GREB1: variants seen among roughly 807,000 people sequenced by gnomAD.
GREB1 encodes growth regulating estrogen receptor binding 1.
In GREB1, 106 loss-of-function variants were observed where a neutral mutation model predicts 200.7. The ratio of observed to expected loss-of-function variants is 0.53; its 90% CI spans 0.45 to 0.62. The LOEUF is 0.62. Ranked by LOEUF, GREB1 falls within the 20% of genes least tolerant of loss-of-function variation. The probability of loss-of-function intolerance (pLI) is 0.00; values close to 1 mark genes in which losing one functional copy is unlikely to be tolerated. For synonymous variants in GREB1, 1,132 were observed against 1,092.4 expected (o/e 1.04, Z -0.72); for missense variants, 2,243 against 2,556.8 (o/e 0.88, Z 2.65).
At chr2:11,607,068 A>G (rs1413550413) in intron 17 of GREB1, among the ~76,000 whole-genome samples, 2 of 150,470 alleles carry the variant, frequency 1.3e-5, no homozygotes, top group Non-Finnish European at 3.0e-5. Context: ...GGCGTGAGCC[A>G]CCATGCCTTG....
At position 11,640,443 on chromosome 2, in the gene GREB1, C is replaced by G. The variant is rs769237746; in HGVS notation, c.5839C>G (p.Arg1947Gly). Residue 1947 changes from arginine to glycine, a missense_variant, in exon 33 of 33, where the codon CGA (arginine) becomes GGA (glycine). By Grantham distance (125) the Arg-to-Gly change is moderately radical. This residue lies in a region of GREB1 where 478 missense variants were observed against 616.3 expected (regional missense o/e 0.78). Transcript: ENST00000381486. This position sits in a 1 kb window ranked among gnomAD's most constrained non-coding sequence, Gnocchi z 4.6. ...CCGGCCGCTCTTTTTTCTGACGGGA[C>G]GACACATCTGAGGAAGACAGCGGCG... Reference protein sequence around the residue: ...EDRPLFFLTGRHI With the variant: ...EDRPLFFLTGGHI The G allele has an allele frequency of 6.2e-7, 1 of 1,614,048 alleles. No individual in the cohort carries two copies. The highest frequency in any genetic ancestry group is 8.5e-7 in the Non-Finnish European group (1 of 1,180,006).
chr2:11,615,786 A>C (rs1413548388), intron 20 of GREB1, among the ~76,000 whole-genome samples: 2 of 152,258 alleles, frequency 1.3e-5, no homozygotes, highest in Admixed American at 1.3e-4. Context: ...AATAGGACAC[A>C]TAAATGATAA....
In GREB1 at chr2:11,548,326, AC is replaced by A. The variant is rs368791953; in HGVS notation, c.-161-8125del. Among the ~76,000 whole-genome samples, 527 of 145,284 alleles carry A rather than the reference AC, an allele frequency of 3.6e-3. 3 individuals carry two copies. Among genetic ancestry groups the A allele is most frequent in the Middle Eastern group, 0.017 (5 of 292 alleles). Reference sequence around the variant, plus strand: ...CCCACATATGCACACACACGCACACACCCAGACACGTGCACACATGCATATA... The same window carrying A: ...CCCACATATGCACACACACGCACACACCAGACACGTGCACACATGCATATA... On this transcript the variant is annotated intron_variant, in intron 1 of 32. Coordinates refer to ENST00000381486, the MANE Select transcript of GREB1 (RefSeq NM_014668.4). This position sits in a 1 kb window ranked among gnomAD's most constrained non-coding sequence, Gnocchi z 5.1.
chr2:11,623,324 G>A (rs933725154), intron 23 of GREB1, among the ~76,000 whole-genome samples: 12 of 152,172 alleles, frequency 7.9e-5, no homozygotes, highest in Non-Finnish European at 1.6e-4. Flanking sequence ...AACTGTTACT[G>A]GTTTTATGTA....
At chr2:11,578,648 A>C (rs572511960) in intron 6 of GREB1, among the ~76,000 whole-genome samples, 2 of 152,284 alleles carry the variant, frequency 1.3e-5, no homozygotes, top group East Asian at 3.9e-4. Flanking sequence ...GTTTGATATG[A>C]AGTGGGATCC....
chr2:11,585,786 C>T lies in GREB1; in HGVS notation c.1040C>T (p.Pro347Leu), dbSNP rs149950879. 165 of 1,613,280 alleles carry T rather than the reference C, an allele frequency of 1.0e-4. No individual in the cohort carries two copies. The highest frequency in any genetic ancestry group is 1.8e-4 in the Middle Eastern group (1 of 5,422). Residue 347 changes from proline to leucine, a missense_variant, in exon 9 of 33, where the codon CCG (proline) becomes CTG (leucine). Around this residue, in one of 3 missense-constraint regions of GREB1, gnomAD observed 1,178 missense variants for 1,387.4 expected, o/e 0.85. Coordinates refer to ENST00000381486, the MANE Select transcript of GREB1 (RefSeq NM_014668.4). ...KYESAGMSCV[P>L]QVGLVGPASV... ...GAGAGCGCAGGCATGTCCTGCGTGC[C>T]GCAGGTTGGCTTGGTGGGACCAGCT...
chr2:11,618,452 A>C lies in GREB1; in HGVS notation c.3577A>C (p.Ser1193Arg). 1 of 1,605,594 alleles carries C rather than the reference A, an allele frequency of 6.2e-7. No individual in the cohort carries two copies. The highest frequency in any genetic ancestry group is 8.5e-7 in the Non-Finnish European group (1 of 1,176,802). The change falls in exon 22 of 33, where the codon AGT becomes CGT. Residue 1193 changes from serine to arginine, a missense_variant. Physicochemically the swap from Ser to Arg is moderately radical, Grantham distance 110. This residue lies in a region of GREB1 where 587 missense variants were observed against 553.1 expected (regional missense o/e 1.06). Coordinates refer to ENST00000381486, the MANE Select transcript of GREB1 (RefSeq NM_014668.4). ...QGPPSAISRHSPGPTPQPDCS... is the reference protein window; with the variant it reads ...QGPPSAISRHRPGPTPQPDCS... ...GCCACCCTCGGCCATCAGCAGGCAC[A>C]GTCCCGGGCCGACGCCCCAGCCCGA...
At chr2:11,498,577 G>C (rs1672948823) in intron 1 of GREB1, among the ~76,000 whole-genome samples, 1 of 152,196 alleles carries the variant, frequency 6.6e-6, no homozygotes, top group Non-Finnish European at 1.5e-5. Flanking sequence ...AGTCAGAACT[G>C]GGGGGCAGTG....
chr2:11,637,858 T>C lies in GREB1; in HGVS notation c.5489T>C (p.Leu1830Pro), dbSNP rs1238121354. 1.2e-6 allele frequency: 2 copies of C among 1,614,116 alleles called. No homozygotes were observed. The highest frequency in any genetic ancestry group is 2.2e-5 in the South Asian group (2 of 91,082). Residue 1830 changes from leucine (L) to proline (P), a missense_variant, in exon 31 of 33, where the codon CTG (leucine) becomes CCG (proline). Coordinates refer to ENST00000381486, the MANE Select transcript of GREB1 (RefSeq NM_014668.4). ...HHSHLFFPLS[L>P]KNHDHPVLSV... ...AGCCACCTCTTCTTCCCGCTGTCCCTGAAGAACCATGACCACCCAGTGCTG... is the reference window on the plus strand; with the variant it reads ...AGCCACCTCTTCTTCCCGCTGTCCCCGAAGAACCATGACCACCCAGTGCTG...
intron 1 of GREB1, among the ~76,000 whole-genome samples, chr2:11,518,911 A>C (rs1234014403): frequency 6.6e-6 from 1 of 151,186 alleles, no homozygotes; most frequent in African/African-American, 2.5e-5. Flanking sequence ...ATCTTGGCTA[A>C]CATACAGTGA....
intron 10 of GREB1, chr2:11,592,039 T>C: frequency 1.0e-6 from 1 of 980,262 alleles, no homozygotes; most frequent in Non-Finnish European, 1.2e-6. Flanking sequence ...ATTCCCAGGC[T>C]GAATGTTCTA....
upstream of GREB1, among the ~76,000 whole-genome samples, chr2:11,531,294 T>C (rs767076969): frequency 1.3e-5 from 2 of 152,182 alleles, no homozygotes; most frequent in Non-Finnish European, 2.9e-5. Context: ...ACTAATTGTA[T>C]AGAGGTTAAG....
At chr2:11,581,881 C>T (rs1217590337) in intron 7 of GREB1, among the ~76,000 whole-genome samples, 1 of 152,204 alleles carries the variant, frequency 6.6e-6, no homozygotes. Context: ...AATTGTCTAA[C>T]TCTTCACTGA....
chr2:11,499,101 G>C (rs1672962165), intron 1 of GREB1, among the ~76,000 whole-genome samples: 1 of 152,210 alleles, frequency 6.6e-6, no homozygotes, highest in African/African-American at 2.4e-5. Context: ...ATTATTAATT[G>C]TGGAAGGCAG....
At chr2:11,560,578 G>T (rs1048861950) in intron 2 of GREB1, among the ~76,000 whole-genome samples, 10 of 152,062 alleles carry the variant, frequency 6.6e-5, no homozygotes, top group African/African-American at 2.2e-4. Flanking sequence ...GTAGGTGCCT[G>T]TAATTCCAGC....
intron 1 of GREB1, among the ~76,000 whole-genome samples, chr2:11,497,028 C>T (rs1672906829): frequency 6.6e-6 from 1 of 152,078 alleles, no homozygotes; most frequent in Admixed American, 6.6e-5. Context: ...AACTCCTGGC[C>T]TCAAGTGATC....
rs192643317 is a variant in GREB1, at chr2:11,625,721, G to A, written c.4306+409G>A. On this transcript the variant is annotated intron_variant, in intron 24 of 32. Transcript: ENST00000381486. The stretch of plus-strand genomic sequence containing the variant: ...ACATCCATGGTGTGCTGGCGCTGCA[G>A]TGTACCGGGGCCATTGCGATTATAA... 5.9e-5 allele frequency among the ~76,000 whole-genome samples: 9 copies of A among 152,320 alleles called. No individual in the cohort carries two copies. In the East Asian group the frequency reaches 1.7e-3, roughly 29 times the overall value.
chr2:11,637,644 G>A, intron 30 of GREB1, 72 bp from the exon 31 acceptor site: 1 of 1,432,868 alleles, frequency 7.0e-7, no homozygotes, highest in Non-Finnish European at 9.7e-7. Flanking sequence ...GGCCACCCTT[G>A]CAGCCCGGAA....
Position 11,635,294 on chromosome 2 carries a change from C to A in GREB1, c.5235C>A (p.Phe1745Leu), listed in dbSNP as rs1161030388. Residue 1745 changes from phenylalanine to leucine, a missense_variant, in exon 30 of 33, where the codon TTC becomes TTA. Phe to Leu is a conservative substitution (Grantham distance 22). This residue lies in a region of GREB1 where 478 missense variants were observed against 616.3 expected (regional missense o/e 0.78). Transcript: ENST00000381486. ...QNRFLCDDVD[F>L]NLRVHSAGLL... ...GGTTCCTGTGTGACGATGTAGACTTCAACCTGCGGGTGCACAGCGCCGGCC... is the reference window on the plus strand; with the variant it reads ...GGTTCCTGTGTGACGATGTAGACTTAAACCTGCGGGTGCACAGCGCCGGCC... 5.0e-6 allele frequency: 8 copies of A among 1,614,118 alleles called. No individual in the cohort carries two copies. The highest frequency in any genetic ancestry group is 3.3e-5 in the Admixed American group (2 of 60,006).
Sources: allele counts gnomAD v4.1 joint callset (sites outside exome capture counted in the v4.1 genomes callset), GRCh38; gene constraint gnomAD v4.1.1; regional missense constraint gnomAD v4.1.1; non-coding constraint Gnocchi (gnomAD v3.1); transcripts MANE v1.5; gene names NCBI Gene and HGNC (gene_info 2026-07-23, HGNC 2026-07-21).